CLCN1: variants seen among roughly 807,000 people sequenced by gnomAD.
CLCN1 encodes chloride channel protein 1.
Under a neutral mutation model 114.5 loss-of-function variants are expected in CLCN1, and 100 were observed. The observed-to-expected ratio is 0.87, with a 90% CI of 0.74 to 1.03. CLCN1 has a LOEUF of 1.03. Among genes scored for constraint, CLCN1 ranks in the 50% least tolerant of loss-of-function variants. CLCN1 has a pLI of 0.00. For synonymous variants in CLCN1, 485 were observed against 487.1 expected, an observed-to-expected ratio of 1.00 and a Z score of 0.06; for missense variants, 1,188 against 1,250.0, an observed-to-expected ratio of 0.95 and a Z score of 0.75.
chr7:143,336,384 C>T lies in CLCN1; in HGVS notation c.1402-2869C>T, dbSNP rs567487449. Among the ~76,000 whole-genome samples the T allele has an allele frequency of 3.0e-3, 451 of 151,008 alleles. 5 individuals are homozygous for T. Among genetic ancestry groups the T allele is most frequent in the Non-Finnish European group, 2.4e-3 (165 of 67,800 alleles). Reference sequence around the variant, plus strand: ...CAGCACTTTGGGAGGCCAAAGCAGGCGGATCACCTGAGGTCAAGAGTTTGA... The same window carrying T: ...CAGCACTTTGGGAGGCCAAAGCAGGTGGATCACCTGAGGTCAAGAGTTTGA... On this transcript the variant is annotated intron_variant, in intron 12 of 22. Coordinates refer to ENST00000343257, the MANE Select transcript of CLCN1 (RefSeq NM_000083.3).
chr7:143,337,142 T>C (rs577890067), intron 12 of CLCN1, among the ~76,000 whole-genome samples: 1 of 152,212 alleles, frequency 6.6e-6, no homozygotes. Flanking sequence ...TACTCTTTAG[T>C]GTTTTAGCAA....
Position 143,350,817 on chromosome 7 carries a change from G to C in CLCN1, c.2595+163G>C, listed in dbSNP as rs185760236. Among the ~76,000 whole-genome samples the C allele has an allele frequency of 5.8e-3, 855 of 148,018 alleles. 3 individuals are homozygous for C. Among genetic ancestry groups the C allele is most frequent in the Non-Finnish European group, 8.8e-3 (589 of 67,300 alleles). On this transcript the variant is annotated intron_variant, in intron 22 of 22. Coordinates refer to ENST00000343257, the MANE Select transcript of CLCN1 (RefSeq NM_000083.3). This position sits in a 1 kb window ranked among gnomAD's most constrained non-coding sequence, Gnocchi z 5.1. ...TTTGAGACAGAGTTTCACTCTTGTC[G>C]CCCAGGCTGGAGTGCAGTGGCGTGA...
chr7:143,351,494 T>C, intron 22 of CLCN1, 100 bp from the exon 23 acceptor site: 2 of 1,330,272 alleles, frequency 1.5e-6, no homozygotes, highest in Non-Finnish European at 2.1e-6. Context: ...CTGTTCTTTT[T>C]TCCTTTCATT....
In CLCN1 at chr7:143,322,758, G is replaced by A. The variant is rs113974672; in HGVS notation, c.697-551G>A. On this transcript the variant is annotated intron_variant, in intron 5 of 22. Coordinates refer to ENST00000343257, the MANE Select transcript of CLCN1 (RefSeq NM_000083.3). ...GCTGGTCTCAAACTCCTGACCTCGG[G>A]TGATCACCTGCCTTGGCCTTGCAAA... Among the ~76,000 whole-genome samples, 1,165 of 152,360 alleles carry A rather than the reference G, an allele frequency of 7.6e-3. 19 individuals carry two copies. The highest frequency in any genetic ancestry group is 0.026 in the African/African-American group (1,087 of 41,586).
At chr7:143,337,304 G>A (rs368450790) in intron 12 of CLCN1, among the ~76,000 whole-genome samples, 1 of 152,216 alleles carries the variant, frequency 6.6e-6, no homozygotes, top group South Asian at 2.1e-4. Context: ...AAGGCAGAAA[G>A]GACAAGATGC....
intron 17 of CLCN1, 109 bp from the exon 18 acceptor site, chr7:143,346,031 G>T (rs117082487): frequency 4.6e-5 from 40 of 863,634 alleles, no homozygotes; most frequent in African/African-American, 9.9e-5. Context: ...TTTCTGAACT[G>T]GGGGGAAGAA....
intron 12 of CLCN1, among the ~76,000 whole-genome samples, chr7:143,337,489 G>A (rs1454439187): frequency 4.2e-5 from 5 of 119,732 alleles, no homozygotes; most frequent in Admixed American, 1.5e-4. Context: ...TGTCTCCTGA[G>A]GTCAGCCCTG....
intron 22 of CLCN1, 119 bp from the exon 23 acceptor site, chr7:143,351,475 A>T: frequency 9.0e-7 from 1 of 1,116,554 alleles, no homozygotes; most frequent in Non-Finnish European, 1.3e-6. Flanking sequence ...TTGCCACTCT[A>T]TATCTTTCCT....
chr7:143,321,841 G>A lies in CLCN1; in HGVS notation c.689G>A (p.Gly230Glu), dbSNP rs80356700. The A allele has an allele frequency of 2.8e-5, 45 of 1,614,072 alleles. No homozygotes were observed. Among genetic ancestry groups the A allele is most frequent in the Non-Finnish European group, 3.7e-5 (44 of 1,180,026 alleles). Residue 230 changes from glycine to glutamate, a missense_variant, in exon 5 of 23, where the codon GGG becomes GAG. By Grantham distance (98) the Gly-to-Glu change is moderately conservative (BLOSUM62 -2). Coordinates refer to ENST00000343257, the MANE Select transcript of CLCN1 (RefSeq NM_000083.3). This position sits in a 1 kb window ranked among gnomAD's most constrained non-coding sequence, Gnocchi z 4.2. ...TAGLGSGIPV[G>E]KEGPFVHIAS... ...GGCCTGGGCAGTGGCATCCCCGTGG[G>A]GAAAGAGGTAGGCCTGGCATGACTG... is the stretch of plus-strand genomic sequence containing the variant.
intron 1 of CLCN1, among the ~76,000 whole-genome samples, chr7:143,318,961 G>A (rs1402328308): frequency 6.6e-6 from 1 of 152,196 alleles, no homozygotes; most frequent in East Asian, 1.9e-4. Context: ...ACATGGCCTG[G>A]CCTGACCCTG....
chr7:143,318,309 G>A (rs1054737963), intron 1 of CLCN1, among the ~76,000 whole-genome samples: 2 of 151,968 alleles, frequency 1.3e-5, no homozygotes, highest in Non-Finnish European at 1.5e-5. Flanking sequence ...CGCAATCTCC[G>A]CCTCCCTGGT....
At chr7:143,346,542 T>C in intron 18 of CLCN1, 37 bp from the exon 19 acceptor site, 2 of 1,524,288 alleles carry the variant, frequency 1.3e-6, no homozygotes, top group Non-Finnish European at 1.8e-6. Flanking sequence ...TTCCTGTTGC[T>C]TTGTGTCCAT....
At chr7:143,341,376 T>C (rs2116370828) in intron 14 of CLCN1, among the ~76,000 whole-genome samples, 1 of 152,102 alleles carries the variant, frequency 6.6e-6, no homozygotes, top group South Asian at 2.1e-4. Flanking sequence ...CTGGCCAACA[T>C]GACAAAACCC....
intron 17 of CLCN1, 24 bp from the exon 18 acceptor site, chr7:143,346,116 G>A: frequency 6.8e-7 from 1 of 1,480,910 alleles, no homozygotes; most frequent in South Asian, 1.1e-5. Flanking sequence ...CTCCCAGGCT[G>A]AGACTTCTTA....
At chr7:143,326,738 G>A (rs1426736111) in intron 7 of CLCN1, among the ~76,000 whole-genome samples, 2 of 152,102 alleles carry the variant, frequency 1.3e-5, no homozygotes, top group African/African-American at 4.8e-5. Context: ...TATTACCAGG[G>A]GATACAGAGG....
chr7:143,338,135 C>T (rs1221427654), intron 12 of CLCN1, among the ~76,000 whole-genome samples: 3 of 152,274 alleles, frequency 2.0e-5, no homozygotes, highest in East Asian at 3.9e-4. Context: ...TGAGCCTCTG[C>T]ACCCGGACAA....
intron 8 of CLCN1, 49 bp downstream of exon 8, chr7:143,330,946 G>A (rs1162508933): frequency 6.2e-7 from 1 of 1,613,660 alleles, no homozygotes; most frequent in African/African-American, 1.3e-5. Flanking sequence ...GAAAAGCTGG[G>A]AATGGGGTGC....
At chr7:143,320,406 G>A (rs1461712237) in intron 2 of CLCN1, among the ~76,000 whole-genome samples, 1 of 152,132 alleles carries the variant, frequency 6.6e-6, no homozygotes, top group African/African-American at 2.4e-5. Flanking sequence ...ACTGGGCTTT[G>A]GTGCCTTTTG....
intron 20 of CLCN1, among the ~76,000 whole-genome samples, chr7:143,349,003 T>C (rs765371767): frequency 1.3e-5 from 2 of 152,200 alleles, no homozygotes; most frequent in Non-Finnish European, 2.9e-5. Flanking sequence ...TTAGAGAAGA[T>C]TAAATGAGCT....
Sources: allele counts gnomAD v4.1 joint callset (sites outside exome capture counted in the v4.1 genomes callset), GRCh38; gene constraint gnomAD v4.1.1; non-coding constraint Gnocchi (gnomAD v3.1); transcripts MANE v1.5; gene names NCBI Gene and HGNC (gene_info 2026-07-23, HGNC 2026-07-21).